RBMS3: variants seen among roughly 807,000 people sequenced by gnomAD.
RBMS3 encodes RNA-binding motif, single-stranded-interacting protein 3.
RBMS3 carries 27 observed loss-of-function variants against 66.8 expected under a neutral mutation model. That is an observed-to-expected ratio of 0.40 (90% CI 0.30 to 0.56). RBMS3 has a LOEUF of 0.56. Ranked by LOEUF, RBMS3 falls within the 20% of genes least tolerant of loss-of-function variation. The pLI is 0.40. For missense variants in RBMS3, 513 were observed against 549.5 expected (o/e 0.93, Z 0.66); for synonymous variants, 188 against 183.0 (o/e 1.03, Z -0.22).
chr3:29,594,130 T>C (rs982571348), intron 4 of RBMS3, among the ~76,000 whole-genome samples: 13 of 152,206 alleles, frequency 8.5e-5, no homozygotes, highest in African/African-American at 2.9e-4. Context: ...TTTAGTGAGA[T>C]AGCATCTTTG....
chr3:29,710,685 C>T (rs1297800140), intron 4 of RBMS3, among the ~76,000 whole-genome samples: 3 of 152,070 alleles, frequency 2.0e-5, no homozygotes, highest in African/African-American at 7.2e-5. Flanking sequence ...CAGTGAATTC[C>T]CTTCATCCAG....
At chr3:29,819,137 C>T (rs987071316) in intron 6 of RBMS3, among the ~76,000 whole-genome samples, 6 of 152,160 alleles carry the variant, frequency 3.9e-5, no homozygotes, top group South Asian at 2.1e-4. Context: ...TCTTTTCATC[C>T]GTCAACAGAG....
chr3:30,002,630 A>C (rs557543297), intron 14 of RBMS3, among the ~76,000 whole-genome samples: 10 of 152,158 alleles, frequency 6.6e-5, no homozygotes, highest in Admixed American at 4.6e-4. Context: ...ATAACACAGT[A>C]ATATATTTTT....
chr3:29,522,527 T>C (rs894901551), intron 3 of RBMS3, among the ~76,000 whole-genome samples: 1 of 151,774 alleles, frequency 6.6e-6, no homozygotes, highest in Non-Finnish European at 1.5e-5. Context: ...TGGAAGGAAG[T>C]GGGGTTACAG....
rs181724755 is a variant in RBMS3 at position 29,901,369 on chromosome 3, C to T, written c.939+1614C>T. On this transcript the variant is annotated intron_variant, in intron 10 of 14. Coordinates refer to ENST00000383767, the MANE Select transcript of RBMS3 (RefSeq NM_001003793.3). ...CGTAAAGCACTAATACTAACTTAGTCCTCATACTGAGTTTTAACACCATCT... is the reference window on the plus strand; with the variant it reads ...CGTAAAGCACTAATACTAACTTAGTTCTCATACTGAGTTTTAACACCATCT... Among the ~76,000 whole-genome samples the T allele has an allele frequency of 3.5e-4, 53 of 151,948 alleles. 3 individuals are homozygous for T. The East Asian group carries it at 0.01, about 30-fold the overall frequency.
At chr3:29,924,398 T>C (rs2060875347) in intron 10 of RBMS3, among the ~76,000 whole-genome samples, 1 of 152,214 alleles carries the variant, frequency 6.6e-6, no homozygotes, top group South Asian at 2.1e-4. Flanking sequence ...TTTTCTTTTT[T>C]TTCAATTCTA....
At chr3:29,729,238 G>A (rs560628029) in intron 4 of RBMS3, among the ~76,000 whole-genome samples, 20 of 150,550 alleles carry the variant, frequency 1.3e-4, no homozygotes, top group African/African-American at 4.9e-4. Context: ...GAGAACATGC[G>A]GTGTTTGGTT....
At chr3:29,694,581 T>C (rs953612093) in intron 4 of RBMS3, among the ~76,000 whole-genome samples, 2 of 152,184 alleles carry the variant, frequency 1.3e-5, no homozygotes. Context: ...TATCCGTATA[T>C]GGATGTAGGT....
At chr3:29,677,858 A>G (rs564890197) in intron 4 of RBMS3, among the ~76,000 whole-genome samples, 2 of 152,170 alleles carry the variant, frequency 1.3e-5, no homozygotes, top group African/African-American at 4.8e-5. Flanking sequence ...CCAGAATGTG[A>G]GTCAGACAAG....
chr3:29,304,334 ATATT>A (rs2033874639), intron 1 of RBMS3, among the ~76,000 whole-genome samples: 1 of 151,972 alleles, frequency 6.6e-6, no homozygotes. Flanking sequence ...TTTATGCTAT[ATATT>A]CTAAGTTAAA....
At chr3:29,772,324 A>G (rs2056245798) in intron 6 of RBMS3, among the ~76,000 whole-genome samples, 2 of 152,056 alleles carry the variant, frequency 1.3e-5, no homozygotes, top group African/African-American at 4.8e-5. Context: ...TTTTTCTAGC[A>G]ACAACGGAAA....
At chr3:29,986,872 G>A (rs1480792917) in intron 12 of RBMS3, among the ~76,000 whole-genome samples, 1 of 152,128 alleles carries the variant, frequency 6.6e-6, no homozygotes, top group Non-Finnish European at 1.5e-5. Flanking sequence ...GAACCCTGGA[G>A]GCAGAGCTTG....
intron 10 of RBMS3, among the ~76,000 whole-genome samples, chr3:29,935,179 CA>C (rs1186511559): frequency 6.6e-6 from 1 of 151,888 alleles, no homozygotes; most frequent in African/African-American, 2.4e-5. Context: ...TTTCCTTCTC[CA>C]AGTTAATTAC....
At chr3:29,436,665 T>C (rs1255271301) in intron 2 of RBMS3, among the ~76,000 whole-genome samples, 1 of 152,238 alleles carries the variant, frequency 6.6e-6, no homozygotes, top group Non-Finnish European at 1.5e-5. Context: ...CTATTGTTCT[T>C]AATTTATATT....
rs1003912172 is a variant in RBMS3, at chr3:29,910,756, C to G, written c.939+11001C>G. Reference sequence around the variant, plus strand: ...GAGAAAGGGAAAAACTATACATATACATATATATGTATACGTATATGTATA... The same window carrying G: ...GAGAAAGGGAAAAACTATACATATAGATATATATGTATACGTATATGTATA... On this transcript the variant is annotated intron_variant, in intron 10 of 14. Coordinates refer to ENST00000383767, the MANE Select transcript of RBMS3 (RefSeq NM_001003793.3). 7.3e-5 allele frequency among the ~76,000 whole-genome samples: 9 copies of G among 123,572 alleles called. 1 individual carries two copies. The highest frequency in any genetic ancestry group is 2.4e-4 in the African/African-American group (8 of 33,922). 81.1% of individuals were successfully genotyped at this position (123,572 alleles called of 152,430 possible).
At chr3:29,955,166 G>C (rs1321639997) in intron 12 of RBMS3, among the ~76,000 whole-genome samples, 2 of 151,966 alleles carry the variant, frequency 1.3e-5, no homozygotes, top group Non-Finnish European at 1.5e-5. Context: ...ACTGGCCTCT[G>C]CTTGAGAGGA....
rs536543748 is a variant in RBMS3, at chr3:29,993,980, C to G, written c.1307+2771C>G. The stretch of plus-strand genomic sequence containing the variant: ...AGTCTACAGCTCCCAGTGTGAGCGA[C>G]GCAGAAGATGGGTGATTTCTGCATT... On this transcript the variant is annotated intron_variant, in intron 14 of 14. Transcript: ENST00000383767. Among the ~76,000 whole-genome samples, 4 of 152,314 alleles carry G rather than the reference C, an allele frequency of 2.6e-5. No individual in the cohort carries two copies. The East Asian group carries it at 7.7e-4, about 29-fold the overall frequency.
intron 3 of RBMS3, among the ~76,000 whole-genome samples, chr3:29,514,650 C>CATATATATATAAAT (rs1357722795): frequency 9.6e-6 from 1 of 103,690 alleles, no homozygotes; most frequent in African/African-American, 4.6e-5. Flanking sequence ...GTGATAGGCA[C>CATATATATATAAAT]ATATATATAT....
At chr3:29,336,197 G>A (rs1301778263) in intron 1 of RBMS3, among the ~76,000 whole-genome samples, 1 of 152,140 alleles carries the variant, frequency 6.6e-6, no homozygotes, top group Non-Finnish European at 1.5e-5. Flanking sequence ...GTTTTGGGTG[G>A]TAAGCACAGT....
Sources: gnomAD v4.1 joint callset for allele counts (sites outside exome capture counted in the v4.1 genomes callset) on GRCh38, gnomAD v4.1.1 for gene constraint, MANE v1.5 for transcripts, NCBI Gene and HGNC (gene_info 2026-07-23, HGNC 2026-07-21) for gene names.